Variants in ST8SIA6 observed in about 807,000 individuals in gnomAD.
ST8SIA6 encodes the protein alpha-2,8-sialyltransferase 8F.
A neutral mutation model predicts 33.6 loss-of-function variants in ST8SIA6; 39 were observed. That is an observed-to-expected ratio of 1.16 (90% CI 0.90 to 1.52). The LOEUF (loss-of-function observed/expected upper bound fraction) is 1.52, where lower values mean the gene tolerates loss of function less well. Ranked by LOEUF, ST8SIA6 falls within the 40% of genes most tolerant of loss-of-function variation. The pLI is 0.00. For missense variants in ST8SIA6, 441 were observed against 443.8 expected, an observed-to-expected ratio of 0.99 and a Z score of 0.06; for synonymous variants, 172 against 167.2, an observed-to-expected ratio of 1.03 and a Z score of -0.22.
intron 3 of ST8SIA6, 118 bp downstream of exon 3, chr10:17,390,413 A>G (rs570485309): frequency 1.2e-5 from 10 of 842,418 alleles, no homozygotes; most frequent in African/African-American, 8.5e-5. Flanking sequence ...TCAGAGCCCA[A>G]TGGTAAGCCT....
In ST8SIA6 at chr10:17,317,579, C is replaced by A. The variant is rs1847816572; in HGVS notation, c.*3299G>T. The stretch of plus-strand genomic sequence containing the variant: ...CAATATATTATATATCACATCTTAA[C>A]TATACTTCTGCAGTAGCTGTTTAGG... On this transcript the variant is annotated 3_prime_UTR_variant, in exon 8 of 8. Coordinates refer to ENST00000377602, the MANE Select transcript of ST8SIA6 (RefSeq NM_001004470.3). Among the ~76,000 whole-genome samples, 2 of 152,130 alleles carry A rather than the reference C, an allele frequency of 1.3e-5. No homozygotes were observed. The highest frequency in any genetic ancestry group is 4.8e-5 in the African/African-American group (2 of 41,434).
rs187992457 is a variant in ST8SIA6 at position 17,444,288 on chromosome 10, A to G, written c.200+9271T>C. ...GCAGGGAAACCACCTTTGCTTTGAC[A>G]TATGTGTGTAAACGGTATTGTCTGT... On this transcript the variant is annotated intron_variant, in intron 2 of 7. Coordinates refer to ENST00000377602, the MANE Select transcript of ST8SIA6 (RefSeq NM_001004470.3). Among the ~76,000 whole-genome samples the G allele has an allele frequency of 2.3e-3, 349 of 152,330 alleles. 1 individual carries two copies. Among genetic ancestry groups the G allele is most frequent in the Non-Finnish European group, 3.8e-3 (259 of 68,032 alleles).
At chr10:17,368,753 C>T (rs1209937329) in intron 3 of ST8SIA6, among the ~76,000 whole-genome samples, 2 of 151,856 alleles carry the variant, frequency 1.3e-5, no homozygotes, top group Non-Finnish European at 2.9e-5. Flanking sequence ...CCATTCTGGG[C>T]AAAATGAAAG....
chr10:17,333,688 TATATATATATATATATATATATATA>T (rs1848379563), intron 4 of ST8SIA6, among the ~76,000 whole-genome samples: 23 of 21,322 alleles, frequency 1.1e-3, no homozygotes, highest in East Asian at 3.7e-3. Flanking sequence ...TATATATATA[TATATATATATATATATATATATATA>T]TATATTTTTT....
At chr10:17,447,399 T>C (rs1852755455) in intron 2 of ST8SIA6, among the ~76,000 whole-genome samples, 1 of 151,536 alleles carries the variant, frequency 6.6e-6, no homozygotes, top group Non-Finnish European at 1.5e-5. Flanking sequence ...AGAGCAAAAT[T>C]CCTTCTCAAA....
At chr10:17,360,215 G>A (rs1010507310) in intron 3 of ST8SIA6, among the ~76,000 whole-genome samples, 1 of 152,134 alleles carries the variant, frequency 6.6e-6, no homozygotes, top group African/African-American at 2.4e-5. Context: ...CTAAAGCACA[G>A]AATATCCTTT....
intron 2 of ST8SIA6, among the ~76,000 whole-genome samples, chr10:17,440,060 G>T (rs923260007): frequency 4.6e-5 from 7 of 152,184 alleles, no homozygotes; most frequent in Admixed American, 1.3e-4. Context: ...TTTGAATGGG[G>T]TATAACTATG....
intron 3 of ST8SIA6, among the ~76,000 whole-genome samples, chr10:17,361,580 A>G (rs1203942868): frequency 6.6e-6 from 1 of 151,672 alleles, no homozygotes; most frequent in African/African-American, 2.4e-5. Context: ...GGAGAATTTT[A>G]TCAAACATTT....
At chr10:17,437,712 T>C (rs369701752) in intron 2 of ST8SIA6, among the ~76,000 whole-genome samples, 53 of 146,714 alleles carry the variant, frequency 3.6e-4, no homozygotes, top group African/African-American at 1.0e-3. Context: ...CTTCCCTTCC[T>C]TCCCTTCCCT....
At chr10:17,397,699 T>A (rs11254576) in intron 2 of ST8SIA6, among the ~76,000 whole-genome samples, 47,159 of 152,020 alleles carry the variant, frequency 0.31, 8,222 homozygotes, top group East Asian at 0.6. Context: ...TTCCCTTTTT[T>A]AATTCCTTCC....
chr10:17,432,470 A>G (rs7911736), intron 2 of ST8SIA6, among the ~76,000 whole-genome samples: 47,559 of 151,746 alleles, frequency 0.31, 9,549 homozygotes, highest in African/African-American at 0.57. Flanking sequence ...TCAAGAGACT[A>G]CCTGCGTTTA....
intron 4 of ST8SIA6, 56 bp downstream of exon 4, chr10:17,359,457 AC>A (rs1849310401): frequency 7.3e-7 from 1 of 1,379,268 alleles, no homozygotes; most frequent in African/African-American, 1.5e-5. Flanking sequence ...CTATTTTTCT[AC>A]AAAGCAAATG....
intron 2 of ST8SIA6, among the ~76,000 whole-genome samples, chr10:17,406,496 G>A (rs1245820391): frequency 2.0e-5 from 3 of 152,128 alleles, no homozygotes; most frequent in African/African-American, 4.8e-5. Context: ...TTTCTCCCAC[G>A]GGATGTGCAC....
At chr10:17,333,350 C>T (rs980674056) in intron 4 of ST8SIA6, among the ~76,000 whole-genome samples, 6 of 151,948 alleles carry the variant, frequency 3.9e-5, no homozygotes, top group Non-Finnish European at 7.4e-5. Context: ...CTATTCCCAT[C>T]AAAATACCAT....
At chr10:17,360,927 G>C (rs1322028952) in intron 3 of ST8SIA6, among the ~76,000 whole-genome samples, 1 of 149,744 alleles carries the variant, frequency 6.7e-6, no homozygotes, top group African/African-American at 2.5e-5. Flanking sequence ...AAGGGAAGAA[G>C]AAGAGGAAAA....
chr10:17,340,000 G>T (rs1848621819), intron 4 of ST8SIA6, among the ~76,000 whole-genome samples: 2 of 152,328 alleles, frequency 1.3e-5, no homozygotes, highest in Non-Finnish European at 2.9e-5. Flanking sequence ...AAGATGACTT[G>T]TAAGGCAGTA....
chr10:17,440,547 C>T (rs993838901), intron 2 of ST8SIA6, among the ~76,000 whole-genome samples: 6 of 152,116 alleles, frequency 3.9e-5, no homozygotes, highest in Non-Finnish European at 7.4e-5. Flanking sequence ...TTAAACTTTG[C>T]CTCAAGGTCT....
intron 6 of ST8SIA6, 93 bp from the exon 7 acceptor site, chr10:17,323,250 C>CACA: frequency 4.6e-5 from 33 of 722,168 alleles, no homozygotes; most frequent in East Asian, 1.4e-4. Context: ...CACACACACA[C>CACA]CTATCTATAA....
At chr10:17,356,573 A>C (rs1395036531) in intron 4 of ST8SIA6, among the ~76,000 whole-genome samples, 1 of 151,994 alleles carries the variant, frequency 6.6e-6, no homozygotes, top group Non-Finnish European at 1.5e-5. Context: ...TTTTTAGTAG[A>C]GATGAGGTTT....
Sources: allele counts gnomAD v4.1 joint callset (sites outside exome capture counted in the v4.1 genomes callset), GRCh38; gene constraint gnomAD v4.1.1; transcripts MANE v1.5; gene names NCBI Gene and HGNC (gene_info 2026-07-23, HGNC 2026-07-21).